TUNAR: variants seen among roughly 807,000 people sequenced by gnomAD.
TUNAR encodes protein TUNAR.
intron 2 of TUNAR, among the ~76,000 whole-genome samples, chr14:95,918,614 G>A (rs1424173732): frequency 6.6e-6 from 1 of 152,194 alleles, no homozygotes; most frequent in East Asian, 1.9e-4. Context: ...AGTCGGAGAA[G>A]GTCTCTTCTA....
exon 3 of TUNAR, chr14:95,924,122 G>T (rs1595128974): frequency 6.6e-6 from 1 of 152,318 alleles, no homozygotes; most frequent in East Asian, 1.9e-4. Flanking sequence ...GAAAGCTCGG[G>T]ATTAGGTGCA....
intron 2 of TUNAR, among the ~76,000 whole-genome samples, chr14:95,900,551 C>G (rs115231182): frequency 8.8e-4 from 134 of 152,278 alleles, no homozygotes; most frequent in Non-Finnish European, 1.5e-3. Context: ...CTTGGCCATG[C>G]GAAGGTTTGG....
rs551724171 is a variant in TUNAR, at chr14:95,908,758, C to T, written c.13-14023C>T. Among the ~76,000 whole-genome samples the T allele has an allele frequency of 1.2e-4, 19 of 152,286 alleles. 1 individual carries two copies. The highest frequency in any genetic ancestry group is 1.0e-3 in the South Asian group (5 of 4,820). On this transcript the variant is annotated intron_variant, in intron 2 of 2. Transcript: ENST00000678517. ...CCTTGGCTATCACCCAGTTTGAGCC[C>T]ATCATGAATCCATTACAGATGAGGA...
chr14:95,899,040 C>T (rs982373204), intron 2 of TUNAR, among the ~76,000 whole-genome samples: 2 of 152,186 alleles, frequency 1.3e-5, no homozygotes, highest in Non-Finnish European at 2.9e-5. Flanking sequence ...AGCTTCCCTT[C>T]CCCCCAAAAC....
intron 2 of TUNAR, 31 bp from the exon 2 acceptor site, chr14:95,922,750 C>A: frequency 5.0e-6 from 2 of 398,630 alleles, no homozygotes; most frequent in South Asian, 2.6e-4. Context: ...TATAAATGAT[C>A]ATCTTTTGTG....
chr14:95,892,484 C>T (rs1223535112), intron 2 of TUNAR, among the ~76,000 whole-genome samples: 1 of 152,260 alleles, frequency 6.6e-6, no homozygotes, highest in African/African-American at 2.4e-5. Context: ...CTCCTGGCAG[C>T]ACCTGGTGCA....
intron 2 of TUNAR, among the ~76,000 whole-genome samples, chr14:95,907,543 A>C (rs1003628086): frequency 2.6e-5 from 4 of 152,182 alleles, no homozygotes; most frequent in Non-Finnish European, 5.9e-5. Flanking sequence ...CCTTTGCCCA[A>C]GTTCTTGTCC....
intron 2 of TUNAR, among the ~76,000 whole-genome samples, chr14:95,894,739 T>C (rs1193545594): frequency 6.6e-6 from 1 of 152,182 alleles, no homozygotes; most frequent in Non-Finnish European, 1.5e-5. Context: ...TCAGCCTCCT[T>C]CTCTGCATAT....
intron 2 of TUNAR, among the ~76,000 whole-genome samples, chr14:95,890,280 C>T (rs1038895627): frequency 6.6e-6 from 1 of 152,204 alleles, no homozygotes; most frequent in Non-Finnish European, 1.5e-5. Flanking sequence ...CCAGGTCTCA[C>T]CATCTTGTAC....
chr14:95,921,365 G>A (rs1889694465), intron 2 of TUNAR, among the ~76,000 whole-genome samples: 1 of 152,244 alleles, frequency 6.6e-6, no homozygotes, highest in South Asian at 2.1e-4. Flanking sequence ...GTAGCTATGG[G>A]GCTGGCCTGG....
intron 2 of TUNAR, among the ~76,000 whole-genome samples, chr14:95,922,568 G>A (rs1027451074): frequency 3.9e-5 from 6 of 152,184 alleles, no homozygotes; most frequent in African/African-American, 1.2e-4. Context: ...CTGTACCAAT[G>A]TCAGGACACT....
At chr14:95,885,082 C>T (rs1025236533) in intron 2 of TUNAR, among the ~76,000 whole-genome samples, 13 of 152,182 alleles carry the variant, frequency 8.5e-5, no homozygotes, top group Admixed American at 7.9e-4. Context: ...AGATGGGATG[C>T]GTGCTCAGCG....
At chr14:95,892,021 C>T (rs1889187265) in intron 2 of TUNAR, among the ~76,000 whole-genome samples, 1 of 152,256 alleles carries the variant, frequency 6.6e-6, no homozygotes, top group South Asian at 2.1e-4. Flanking sequence ...TGGGTTTACT[C>T]ACCCTGACTC....
At chr14:95,890,848 G>A (rs1889167574) in intron 2 of TUNAR, among the ~76,000 whole-genome samples, 1 of 152,188 alleles carries the variant, frequency 6.6e-6, no homozygotes, top group African/African-American at 2.4e-5. Context: ...ATTAATCAGA[G>A]TATTCTTGGT....
intron 2 of TUNAR, among the ~76,000 whole-genome samples, chr14:95,911,509 G>A (rs896118752): frequency 6.6e-6 from 1 of 152,196 alleles, no homozygotes. Flanking sequence ...TGACCACTGA[G>A]GTCTCTTCTT....
At chr14:95,884,753 C>G (rs1347792997) in intron 2 of TUNAR, among the ~76,000 whole-genome samples, 1 of 152,210 alleles carries the variant, frequency 6.6e-6, no homozygotes. Flanking sequence ...CACAAGTATT[C>G]ACAAGACACC....
chr14:95,922,748 A>G (rs1450552399), intron 2 of TUNAR, 33 bp from the exon 2 acceptor site: 2 of 398,622 alleles, frequency 5.0e-6, no homozygotes, highest in Non-Finnish European at 8.9e-6. Context: ...CTTATAAATG[A>G]TCATCTTTTG....
At chr14:95,924,281 A>C (rs1383141155) in exon 3 of TUNAR, 1 of 152,168 alleles carries the variant, frequency 6.6e-6, no homozygotes, top group Non-Finnish European at 1.5e-5. Context: ...TGAGGAGGGG[A>C]TTTAATGATT....
At chr14:95,876,585 G>A (rs1595112123) in exon 1 of TUNAR, 1 of 152,734 alleles carries the variant, frequency 6.5e-6, no homozygotes, top group Middle Eastern at 3.4e-3. Context: ...CCGCCGCTGC[G>A]GTCGCGGTCG....
Sources: gnomAD v4.1 joint callset for allele counts (sites outside exome capture counted in the v4.1 genomes callset) on GRCh38, gnomAD v4.1.1 for gene constraint, MANE v1.5 for transcripts, NCBI Gene and HGNC (gene_info 2026-07-23, HGNC 2026-07-21) for gene names.